The following KIF14 variants were observed in gnomAD, a reference collection of about 807,000 sequenced individuals.
KIF14 encodes the protein kinesin-like protein KIF14.
Under a neutral mutation model 176.2 loss-of-function variants are expected in KIF14, and 98 were observed. The ratio of observed to expected loss-of-function variants is 0.56; its 90% confidence interval spans 0.47 to 0.66. The LOEUF (loss-of-function observed/expected upper bound fraction) is 0.66. Ranked by LOEUF, KIF14 falls within the 30% of genes least tolerant of loss-of-function variation. The pLI is 0.00. For missense variants in KIF14, 1,751 were observed against 1,920.4 expected (o/e 0.91, Z 1.65); for synonymous variants, 566 against 632.2 (o/e 0.90, Z 1.57).
intron 18 of KIF14, among the ~76,000 whole-genome samples, chr1:200,587,148 G>A (rs902327747): frequency 6.6e-6 from 1 of 151,988 alleles, no homozygotes; most frequent in Non-Finnish European, 1.5e-5. Context: ...AACCTAAATT[G>A]TGAACTGTGT....
chr1:200,581,862 C>T (rs1271516728), intron 19 of KIF14, among the ~76,000 whole-genome samples: 1 of 150,680 alleles, frequency 6.6e-6, no homozygotes, highest in African/African-American at 2.4e-5. Flanking sequence ...TTGACCTCCC[C>T]AGGCTCAAGT....
intron 4 of KIF14, among the ~76,000 whole-genome samples, chr1:200,609,190 T>C (rs1191752154): frequency 2.0e-5 from 3 of 151,932 alleles, no homozygotes; most frequent in East Asian, 3.9e-4. Context: ...AAAATCACAA[T>C]GAAAAACAAC....
Position 200,605,931 on chromosome 1 carries a change from CTGA to C in KIF14, c.1608-40_1608-38del, listed in dbSNP as rs753609795. Reference sequence around the variant, plus strand: ...AAGTGAAAAGACAAAATCAATTTTACTGATGATTATACTCTTGTTCTCATAAAA... The same window carrying C: ...AAGTGAAAAGACAAAATCAATTTTACTGATTATACTCTTGTTCTCATAAAA... On this transcript the variant is annotated intron_variant, in intron 6 of 29. Transcript: ENST00000367350. 13 of 1,249,174 alleles carry C rather than the reference CTGA, an allele frequency of 1.0e-5. No homozygotes were observed. The East Asian group carries it at 2.8e-4, about 27-fold the overall frequency. The allele number at this position is 1,249,174 out of a possible 1,614,324, so 77.4% of individuals were successfully genotyped here. A position where few individuals can be genotyped will look rare whatever the true frequency, so the allele number is the denominator to read the frequency against.
chr1:200,599,926 G>A (rs1246247071), intron 13 of KIF14, 124 bp downstream of exon 13: 2 of 639,800 alleles, frequency 3.1e-6, no homozygotes, highest in Non-Finnish European at 2.7e-6. Flanking sequence ...GTATTGCTTT[G>A]TACAGAGTCA....
intron 17 of KIF14, among the ~76,000 whole-genome samples, chr1:200,589,839 G>C (rs1658962598): frequency 6.6e-6 from 1 of 151,792 alleles, no homozygotes; most frequent in Non-Finnish European, 1.5e-5. Flanking sequence ...TTTTTGGAGA[G>C]ACCGGTTTCC....
At chr1:200,583,578 TA>T (rs1209225811) in intron 19 of KIF14, among the ~76,000 whole-genome samples, 1 of 152,142 alleles carries the variant, frequency 6.6e-6, no homozygotes, top group Non-Finnish European at 1.5e-5. Flanking sequence ...TTTTCCATAA[TA>T]AAAAAGTTTA....
intron 10 of KIF14, among the ~76,000 whole-genome samples, chr1:200,602,392 CACA>C (rs1408049895): frequency 2.6e-5 from 4 of 152,064 alleles, no homozygotes; most frequent in Non-Finnish European, 4.4e-5. Flanking sequence ...CCAGTGCTAC[CACA>C]ACCTTTTGAA....
At chr1:200,582,629 C>T (rs1658522397) in intron 19 of KIF14, among the ~76,000 whole-genome samples, 1 of 152,112 alleles carries the variant, frequency 6.6e-6, no homozygotes, top group Admixed American at 6.5e-5. Flanking sequence ...GCCGGTGGAT[C>T]ACCTGAGGTC....
intron 21 of KIF14, among the ~76,000 whole-genome samples, chr1:200,576,224 A>T (rs2102633491): frequency 6.6e-6 from 1 of 152,218 alleles, no homozygotes; most frequent in Admixed American, 6.5e-5. Context: ...CACGCCTGTA[A>T]TCCCAGCACT....
At chr1:200,612,834 G>A (rs1660220409) in intron 4 of KIF14, among the ~76,000 whole-genome samples, 1 of 149,496 alleles carries the variant, frequency 6.7e-6, no homozygotes, top group Non-Finnish European at 1.5e-5. Context: ...TCCTTACTAA[G>A]ACAGTCCTTC....
In KIF14 at chr1:200,606,405, T is replaced by C. The variant is rs1478241152; in HGVS notation, c.1607+341A>G. 3.9e-5 allele frequency among the ~76,000 whole-genome samples: 6 copies of C among 152,198 alleles called. No individual in the cohort carries two copies. The East Asian group carries it at 9.7e-4, about 24-fold the overall frequency. ...CCTGTCTAGCTTAGAGTCATAGGTA[T>C]AAAAAGCAGGTTGAGAGGGAAGATT... is the stretch of plus-strand genomic sequence containing the variant. On this transcript the variant is annotated intron_variant, in intron 6 of 29. Transcript: ENST00000367350.
intron 4 of KIF14, 52 bp downstream of exon 4, chr1:200,614,266 T>A: frequency 1.0e-6 from 1 of 977,970 alleles, no homozygotes; most frequent in Non-Finnish European, 1.6e-6. Flanking sequence ...TTGAACTTGA[T>A]TTGACTATTT....
At chr1:200,600,867 G>A (rs1659591751) in intron 11 of KIF14, among the ~76,000 whole-genome samples, 1 of 152,116 alleles carries the variant, frequency 6.6e-6, no homozygotes, top group African/African-American at 2.4e-5. Flanking sequence ...CAAGATCAAA[G>A]ATTTTTCAAG....
In KIF14 at chr1:200,580,957, G is replaced by A. The variant is rs116688727; in HGVS notation, c.3335+244C>T. On this transcript the variant is annotated intron_variant, in intron 20 of 29. Coordinates refer to ENST00000367350, the MANE Select transcript of KIF14 (RefSeq NM_014875.3). ...AACCCCATCTCTAACTAAAAATACAGAAATTAGCTGGGTGTGGTGGCGCAC... is the reference window on the plus strand; with the variant it reads ...AACCCCATCTCTAACTAAAAATACAAAAATTAGCTGGGTGTGGTGGCGCAC... 3.7e-3 allele frequency among the ~76,000 whole-genome samples: 554 copies of A among 151,602 alleles called. 6 individuals carry two copies. The highest frequency in any genetic ancestry group is 0.013 in the African/African-American group (526 of 41,338).
chr1:200,581,367 T>A, intron 19 of KIF14, 73 bp from the exon 20 acceptor site: 1 of 703,440 alleles, frequency 1.4e-6, no homozygotes, highest in Admixed American at 3.0e-5. Flanking sequence ...GCAAAACAAT[T>A]CCTAAAAAAA....
intron 8 of KIF14, among the ~76,000 whole-genome samples, chr1:200,604,561 G>A (rs1659782234): frequency 6.6e-6 from 1 of 152,074 alleles, no homozygotes; most frequent in Non-Finnish European, 1.5e-5. Context: ...AATGCACAAA[G>A]ATGTTGCTTA....
rs369408045 is a variant in KIF14 at position 200,618,320 on chromosome 1, G to A, written c.404C>T (p.Thr135Ile). 4 of 1,613,894 alleles carry A rather than the reference G, an allele frequency of 2.5e-6. No homozygotes were observed. The African/African-American group carries it at 4.0e-5, about 16-fold the overall frequency. Residue 135 changes from threonine to isoleucine, a missense_variant, in exon 2 of 30, where the codon ACA (threonine) becomes ATA (isoleucine). By Grantham distance (89) the Thr-to-Ile change is moderately conservative. Coordinates refer to ENST00000367350, the MANE Select transcript of KIF14 (RefSeq NM_014875.3). ...AKTDSAEKWK[T>I]AEIDSVKMTL... ...CATTTTGACAGAATCTATTTCAGCT[G>A]TTTTCCACTTTTCTGCAGAATCTGT...
At chr1:200,569,840 G>GA in intron 23 of KIF14, 71 bp downstream of exon 23, 3 of 809,390 alleles carry the variant, frequency 3.7e-6, no homozygotes, top group Non-Finnish European at 5.9e-6. Context: ...ACACGGATAA[G>GA]AAAAAATGTA....
At position 200,618,639 on chromosome 1, in the gene KIF14, C is replaced by A; in HGVS notation, c.85G>T (p.Ala29Ser). 6.2e-7 allele frequency: 1 copy of A among 1,613,934 alleles called. No individual in the cohort carries two copies. The highest frequency in any genetic ancestry group is 8.5e-7 in the Non-Finnish European group (1 of 1,179,970). ...TTAAGTCGGCTACTGTGGGTGAGGGCATTCAGTGATGAACTATTTTGGGAA... is the reference window on the plus strand; with the variant it reads ...TTAAGTCGGCTACTGTGGGTGAGGGAATTCAGTGATGAACTATTTTGGGAA... Reference protein sequence around the residue: ...PSSQNSSSLNALTHSSRLKLH... With the variant: ...PSSQNSSSLNSLTHSSRLKLH... Residue 29 changes from alanine (A) to serine (S), a missense_variant, in exon 2 of 30, where the codon GCC becomes TCC. Coordinates refer to ENST00000367350, the MANE Select transcript of KIF14 (RefSeq NM_014875.3).
Sources: allele counts gnomAD v4.1 joint callset (sites outside exome capture counted in the v4.1 genomes callset), GRCh38; gene constraint gnomAD v4.1.1; transcripts MANE v1.5; gene names NCBI Gene and HGNC (gene_info 2026-07-23, HGNC 2026-07-21).